Variants in GALNT18 observed in about 807,000 individuals in gnomAD.
The protein encoded by GALNT18 is polypeptide N-acetylgalactosaminyltransferase 18.
GALNT18 carries 44 observed loss-of-function variants against 69.5 expected under a neutral mutation model. That is an observed-to-expected ratio of 0.63 (90% CI 0.50 to 0.81). GALNT18 has a LOEUF of 0.81. Among genes scored for constraint, GALNT18 ranks in the 40% least tolerant of loss-of-function variants. The probability of loss-of-function intolerance (pLI) is 0.00; values close to 1 mark genes in which losing one functional copy is unlikely to be tolerated. For missense variants in GALNT18, 715 were observed against 810.0 expected (o/e 0.88, Z 1.42); for synonymous variants, 364 against 318.2 (o/e 1.14, Z -1.53).
intron 10 of GALNT18, among the ~76,000 whole-genome samples, chr11:11,280,274 A>C (rs1849043321): frequency 6.6e-6 from 1 of 152,134 alleles, no homozygotes; most frequent in African/African-American, 2.4e-5. Context: ...CGGCCTCTGA[A>C]AGGGGCCCTT....
At chr11:11,478,043 T>G (rs968509958) in intron 1 of GALNT18, among the ~76,000 whole-genome samples, 6 of 152,362 alleles carry the variant, frequency 3.9e-5, no homozygotes, top group South Asian at 2.1e-4. Context: ...GGCTTTATGC[T>G]CTCAGCAAAA....
At chr11:11,609,458 G>A (rs551276375) in intron 1 of GALNT18, among the ~76,000 whole-genome samples, 1 of 152,174 alleles carries the variant, frequency 6.6e-6, no homozygotes, top group Non-Finnish European at 1.5e-5. Context: ...TTATAGCAGA[G>A]CCCCTGACCA....
intron 1 of GALNT18, among the ~76,000 whole-genome samples, chr11:11,609,808 T>C (rs1017156478): frequency 6.6e-6 from 1 of 152,270 alleles, no homozygotes; most frequent in Middle Eastern, 3.4e-3. Context: ...CTCCAAATAT[T>C]CCATTCCCTC....
chr11:11,331,973 C>T (rs1393063670), intron 8 of GALNT18, among the ~76,000 whole-genome samples: 2 of 151,992 alleles, frequency 1.3e-5, no homozygotes, highest in Admixed American at 6.6e-5. Context: ...ACAGAAAATA[C>T]ATTTTCTGTC....
intron 9 of GALNT18, among the ~76,000 whole-genome samples, chr11:11,299,803 A>G (rs891840498): frequency 1.3e-5 from 2 of 152,250 alleles, no homozygotes; most frequent in African/African-American, 4.8e-5. Context: ...CCATAGAATG[A>G]CTTCTTTTCC....
chr11:11,373,367 A>G (rs895610596), intron 5 of GALNT18, among the ~76,000 whole-genome samples: 1 of 152,246 alleles, frequency 6.6e-6, no homozygotes, highest in Non-Finnish European at 1.5e-5. Flanking sequence ...CCCAACTTCA[A>G]AATAGATGAA....
At chr11:11,398,231 G>C (rs1216161733) in intron 3 of GALNT18, among the ~76,000 whole-genome samples, 2 of 152,178 alleles carry the variant, frequency 1.3e-5, no homozygotes, top group Admixed American at 1.3e-4. Context: ...TGTTCCTTCT[G>C]TGTCCACTAC....
In GALNT18 at chr11:11,372,738, C is replaced by T; in HGVS notation, c.978-109G>A. 1 of 856,592 alleles carries T rather than the reference C, an allele frequency of 1.2e-6. No individual in the cohort carries two copies. Among genetic ancestry groups the T allele is most frequent in the African/African-American group, 1.7e-5 (1 of 60,302 alleles). The allele number at this position is 856,592 out of a possible 1,614,324, so 53.1% of individuals were successfully genotyped here. A position where few individuals can be genotyped will look rare whatever the true frequency, so the allele number is the denominator to read the frequency against. ...TCTGGTTCTCTTCCTTCCTTTGCTG[C>T]CAGAGCCAGTGTGAGCCTTGTTCTT... On this transcript the variant is annotated intron_variant, in intron 5 of 10. Coordinates refer to ENST00000227756, the MANE Select transcript of GALNT18 (RefSeq NM_198516.3). The surrounding 1 kb of genome is among the most constrained non-coding windows in gnomAD (Gnocchi z 4.9).
At chr11:11,333,108 T>C (rs1850048725) in intron 7 of GALNT18, among the ~76,000 whole-genome samples, 1 of 145,552 alleles carries the variant, frequency 6.9e-6, no homozygotes, top group Non-Finnish European at 1.5e-5. Flanking sequence ...AAAAAAGCTA[T>C]AGTCTGGGTG....
intron 10 of GALNT18, among the ~76,000 whole-genome samples, chr11:11,291,620 C>G (rs1307143946): frequency 6.6e-6 from 1 of 150,626 alleles, no homozygotes; most frequent in African/African-American, 2.5e-5. Flanking sequence ...ACCCCCGACA[C>G]TTTGCAGGGT....
intron 6 of GALNT18, among the ~76,000 whole-genome samples, chr11:11,364,715 A>T (rs1325022837): frequency 6.6e-6 from 1 of 152,254 alleles, no homozygotes; most frequent in East Asian, 1.9e-4. Flanking sequence ...ACAGTATTAC[A>T]GTATTCTTTT....
chr11:11,307,962 G>A (rs1019564926), intron 9 of GALNT18, among the ~76,000 whole-genome samples: 3 of 152,202 alleles, frequency 2.0e-5, no homozygotes, highest in Non-Finnish European at 4.4e-5. Flanking sequence ...ACAAAAGCTG[G>A]GGGCCAGGGG....
At chr11:11,474,497 C>A (rs527718995) in intron 1 of GALNT18, among the ~76,000 whole-genome samples, 1 of 152,138 alleles carries the variant, frequency 6.6e-6, no homozygotes, top group South Asian at 2.1e-4. Context: ...GAACAGAATC[C>A]GATTAACATA....
chr11:11,307,510 C>T (rs1006159573), intron 9 of GALNT18, among the ~76,000 whole-genome samples: 1 of 152,106 alleles, frequency 6.6e-6, no homozygotes, highest in African/African-American at 2.4e-5. Flanking sequence ...CAACAATTTG[C>T]TATCAAACAG....
In GALNT18 at chr11:11,598,965, TGA is replaced by T. The variant is rs1859567597; in HGVS notation, c.235+22392_235+22393del. Among the ~76,000 whole-genome samples the T allele has an allele frequency of 6.6e-6, 1 of 152,170 alleles. No individual in the cohort carries two copies. Among genetic ancestry groups the T allele is most frequent in the Non-Finnish European group, 1.5e-5 (1 of 68,018 alleles). On this transcript the variant is annotated intron_variant, in intron 1 of 10. Coordinates refer to ENST00000227756, the MANE Select transcript of GALNT18 (RefSeq NM_198516.3). The surrounding 1 kb of genome is among the most constrained non-coding windows in gnomAD (Gnocchi z 4.8). The stretch of plus-strand genomic sequence containing the variant: ...AATGTACTTTGTTCATTTTAAAGGA[TGA>T]GTTCAATCCTTTGAAATTTATTCAG...
chr11:11,321,282 C>A (rs978264171), intron 9 of GALNT18, among the ~76,000 whole-genome samples: 3 of 152,136 alleles, frequency 2.0e-5, no homozygotes, highest in African/African-American at 7.2e-5. Context: ...CCATCCTTAC[C>A]TTTGGGTGGA....
At chr11:11,434,712 T>C (rs560395286) in intron 2 of GALNT18, among the ~76,000 whole-genome samples, 3 of 152,234 alleles carry the variant, frequency 2.0e-5, no homozygotes, top group Admixed American at 2.0e-4. Flanking sequence ...CCAGCTGATT[T>C]AACCATGGTG....
At position 11,619,489 on chromosome 11, in the gene GALNT18, C is replaced by T. The variant is rs959635408; in HGVS notation, c.235+1870G>A. 2.6e-5 allele frequency among the ~76,000 whole-genome samples: 4 copies of T among 152,056 alleles called. No individual in the cohort carries two copies. The highest frequency in any genetic ancestry group is 3.2e-3 in the Middle Eastern group (1 of 316). The stretch of plus-strand genomic sequence containing the variant: ...CATTCCACATGACTGGCACCCACTC[C>T]GTTACAGGCTCAGGGGTTAATGGCA... On this transcript the variant is annotated intron_variant, in intron 1 of 10. Coordinates refer to ENST00000227756, the MANE Select transcript of GALNT18 (RefSeq NM_198516.3). This position sits in a 1 kb window ranked among gnomAD's most constrained non-coding sequence, Gnocchi z 4.9.
At chr11:11,581,111 T>C (rs1438848613) in intron 1 of GALNT18, among the ~76,000 whole-genome samples, 2 of 152,222 alleles carry the variant, frequency 1.3e-5, no homozygotes, top group Non-Finnish European at 2.9e-5. Flanking sequence ...GCCGGCTTGC[T>C]GAGCCAAGGC....
Sources: gnomAD v4.1 joint callset for allele counts (sites outside exome capture counted in the v4.1 genomes callset) on GRCh38, gnomAD v4.1.1 for gene constraint, Gnocchi (gnomAD v3.1) non-coding constraint, MANE v1.5 for transcripts, NCBI Gene and HGNC (gene_info 2026-07-23, HGNC 2026-07-21) for gene names.